Variants in MAP7D2 observed in about 807,000 individuals in gnomAD.
MAP7D2 encodes the protein MAP7 domain containing 2.
Under a neutral mutation model 63.5 loss-of-function variants are expected in MAP7D2, and 33 were observed. The ratio of observed to expected loss-of-function variants is 0.52; its 90% CI spans 0.39 to 0.70. The LOEUF is 0.70. Ranked by LOEUF, MAP7D2 falls within the 30% of genes least tolerant of loss-of-function variation. MAP7D2 has a pLI of 0.00. For missense variants in MAP7D2, 626 were observed against 604.0 expected (o/e 1.04, Z -0.38); for synonymous variants, 224 against 223.7 (o/e 1.00, Z -0.01).
At chrX:20,073,814 C>G (rs2065571189) in intron 1 of MAP7D2, among the ~76,000 whole-genome samples, 1 of 102,423 alleles carries the variant, frequency 9.8e-6, no homozygotes, top group Non-Finnish European at 2.0e-5. Context: ...GCGTGAGCCA[C>G]TGCACCCGGC....
At chrX:20,029,786 T>C (rs757023995) in intron 8 of MAP7D2, among the ~76,000 whole-genome samples, 1,545 of 82,250 alleles carry the variant, frequency 0.019, 8 homozygotes, top group African/African-American at 0.037. Flanking sequence ...GGGCAAGTCA[T>C]AGATTTTTTT....
intron 1 of MAP7D2, among the ~76,000 whole-genome samples, chrX:20,113,575 G>A (rs2066806076): frequency 8.9e-6 from 1 of 112,312 alleles, no homozygotes; most frequent in African/African-American, 3.2e-5. Flanking sequence ...AAGCGTTCAA[G>A]AATGGTTTTA....
At chrX:20,039,992 C>T (rs1170898133) in intron 8 of MAP7D2, among the ~76,000 whole-genome samples, 43 of 73,229 alleles carry the variant, frequency 5.9e-4, no homozygotes, top group Non-Finnish European at 1.0e-3. Context: ...AGCAAGACTC[C>T]ATCTCAAAAA....
At chrX:20,089,445 C>T (rs1484972090) in intron 1 of MAP7D2, among the ~76,000 whole-genome samples, 1 of 112,087 alleles carries the variant, frequency 8.9e-6, no homozygotes, top group African/African-American at 3.2e-5. Context: ...AAAGACCCTT[C>T]CAACAATGAC....
At chrX:20,114,657 C>G (rs769956623) in intron 1 of MAP7D2, among the ~76,000 whole-genome samples, 1 of 112,292 alleles carries the variant, frequency 8.9e-6, no homozygotes, top group Non-Finnish European at 1.9e-5. Flanking sequence ...TATTTCCTTT[C>G]CGTCTTTTAC....
chrX:20,094,242 T>C (rs1401777130), intron 1 of MAP7D2, among the ~76,000 whole-genome samples: 2 of 107,168 alleles, frequency 1.9e-5, no homozygotes, highest in Non-Finnish European at 1.9e-5. Flanking sequence ...ACAAAGCTTA[T>C]AGCACATGAA....
At chrX:20,096,845 T>A (rs1201445856) in intron 1 of MAP7D2, among the ~76,000 whole-genome samples, 2 of 112,568 alleles carry the variant, frequency 1.8e-5, no homozygotes, top group African/African-American at 6.5e-5. Context: ...ACTTGCTATC[T>A]ACTTCAGGGT....
chrX:20,096,429 C>CA (rs775218484), intron 1 of MAP7D2, among the ~76,000 whole-genome samples: 476 of 39,816 alleles, frequency 0.012, 4 homozygotes, highest in African/African-American at 0.023. Context: ...GACCTTGTCT[C>CA]AAAAAAAAAA....
intron 1 of MAP7D2, among the ~76,000 whole-genome samples, chrX:20,099,081 C>G (rs2066355086): frequency 8.9e-6 from 1 of 112,439 alleles, no homozygotes; most frequent in African/African-American, 3.2e-5. Flanking sequence ...AAACAGGGAC[C>G]AATAACTCTG....
At chrX:20,088,512 A>G (rs1438745409) in intron 1 of MAP7D2, among the ~76,000 whole-genome samples, 1 of 64,426 alleles carries the variant, frequency 1.6e-5, no homozygotes, top group Non-Finnish European at 2.8e-5. Context: ...TTTTGCAGAG[A>G]CAGGGTCCTA....
At chrX:20,050,786 G>A (rs1043791561) in intron 6 of MAP7D2, 38 bp downstream of exon 6, 5 of 1,134,261 alleles carry the variant, frequency 4.4e-6, no homozygotes, top group Non-Finnish European at 5.8e-6. Context: ...CACCTCTTCG[G>A]GCATTTTCCT....
chrX:20,061,210 T>C (rs2065218100), intron 3 of MAP7D2, among the ~76,000 whole-genome samples: 1 of 101,535 alleles, frequency 9.8e-6, no homozygotes. Context: ...GCTGCAGCCC[T>C]CCCAGAGCTC....
intron 1 of MAP7D2, among the ~76,000 whole-genome samples, chrX:20,088,607 G>A (rs747260136): frequency 2.9e-5 from 3 of 104,427 alleles, no homozygotes; most frequent in South Asian, 4.7e-4. Flanking sequence ...TTACAGGTGT[G>A]AGTTACCACA....
intron 1 of MAP7D2, among the ~76,000 whole-genome samples, chrX:20,084,767 A>G (rs965544915): frequency 9.1e-6 from 1 of 109,949 alleles, no homozygotes; most frequent in East Asian, 2.8e-4. Context: ...TGGGGTTTTG[A>G]CATGTTGGCC....
chrX:20,018,440 C>CTTTT (rs757792186), intron 10 of MAP7D2, among the ~76,000 whole-genome samples: 3 of 77,418 alleles, frequency 3.9e-5, no homozygotes, highest in East Asian at 3.3e-4. Context: ...AAATCTTGTC[C>CTTTT]TTTTTTTTTT....
chrX:20,106,739 G>T (rs1369340977), intron 1 of MAP7D2, among the ~76,000 whole-genome samples: 1 of 112,060 alleles, frequency 8.9e-6, no homozygotes, highest in Non-Finnish European at 1.9e-5. Context: ...CATTAATAAC[G>T]TTTAATATTA....
intron 13 of MAP7D2, 51 bp from the exon 14 acceptor site, chrX:20,013,183 G>A: frequency 2.1e-6 from 2 of 953,595 alleles, no homozygotes; most frequent in Admixed American, 2.4e-5. Flanking sequence ...ACATCACACA[G>A]AAAAAAAGTA....
intron 3 of MAP7D2, among the ~76,000 whole-genome samples, chrX:20,061,235 G>C (rs2065218492): frequency 1.8e-5 from 2 of 110,176 alleles, no homozygotes; most frequent in South Asian, 8.0e-4. Flanking sequence ...TGAATCATAG[G>C]GGCCAGTGCA....
chrX:20,027,738 A>G (rs2073906402), intron 8 of MAP7D2, among the ~76,000 whole-genome samples: 1 of 99,257 alleles, frequency 1.0e-5, no homozygotes, highest in African/African-American at 3.9e-5. Context: ...AGAGGGAGAG[A>G]GGGAGAGAGA....
Sources: allele counts gnomAD v4.1 joint callset (sites outside exome capture counted in the v4.1 genomes callset), GRCh38; gene constraint gnomAD v4.1.1; transcripts MANE v1.5; gene names NCBI Gene and HGNC (gene_info 2026-07-23, HGNC 2026-07-21).